DACH1: variants seen among roughly 807,000 people sequenced by gnomAD.
The protein encoded by DACH1 is dachshund family transcription factor 1, also known as dachshund homolog 1.
A neutral mutation model predicts 54.2 loss-of-function variants in DACH1; 12 were observed. The observed-to-expected ratio is 0.22, with a 90% confidence interval of 0.14 to 0.36. The LOEUF is 0.36. Among genes scored for constraint, DACH1 ranks in the 10% least tolerant of loss-of-function variants. The pLI, the probability that DACH1 is intolerant of heterozygous loss-of-function variation, is 1.00. For missense variants in DACH1, 805 were observed against 929.8 expected (o/e 0.87, Z 1.75); for synonymous variants, 386 against 366.2 (o/e 1.05, Z -0.62).
At chr13:71,677,523 G>T (rs1880648306) in intron 2 of DACH1, among the ~76,000 whole-genome samples, 1 of 152,024 alleles carries the variant, frequency 6.6e-6, no homozygotes, top group Non-Finnish European at 1.5e-5. Context: ...ATTTGTTTTT[G>T]TTTTTGTTTC....
chr13:71,520,343 T>C (rs1221111695), intron 6 of DACH1, among the ~76,000 whole-genome samples: 2 of 151,768 alleles, frequency 1.3e-5, no homozygotes, highest in Non-Finnish European at 2.9e-5. Flanking sequence ...CACAGGATTT[T>C]TGTAAAATGC....
At chr13:71,503,091 A>C (rs1487184506) in intron 6 of DACH1, among the ~76,000 whole-genome samples, 1 of 152,202 alleles carries the variant, frequency 6.6e-6, no homozygotes, top group African/African-American at 2.4e-5. Context: ...TATGTAAATG[A>C]CAAAGGTTTC....
At chr13:71,447,475 T>C (rs920320078) in intron 10 of DACH1, among the ~76,000 whole-genome samples, 2 of 152,206 alleles carry the variant, frequency 1.3e-5, no homozygotes, top group Non-Finnish European at 2.9e-5. Context: ...TTTTATTCCA[T>C]ATATAAAAAC....
chr13:71,859,521 A>T (rs1190676230), intron 1 of DACH1, among the ~76,000 whole-genome samples: 1 of 151,838 alleles, frequency 6.6e-6, no homozygotes, highest in African/African-American at 2.4e-5. Context: ...TCTAATAACT[A>T]ATTTATAGTG....
At chr13:71,667,469 AG>A (rs1399043126) in intron 2 of DACH1, among the ~76,000 whole-genome samples, 1 of 152,172 alleles carries the variant, frequency 6.6e-6, no homozygotes, top group Non-Finnish European at 1.5e-5. Flanking sequence ...AATCAAAGGA[AG>A]CAAACCACCC....
chr13:71,586,985 C>G (rs543120842), intron 3 of DACH1, among the ~76,000 whole-genome samples: 9 of 152,160 alleles, frequency 5.9e-5, no homozygotes, highest in African/African-American at 2.2e-4. Context: ...AAACCTGGTA[C>G]AATTTAACAT....
intron 2 of DACH1, among the ~76,000 whole-genome samples, chr13:71,661,166 CAT>C (rs199916609): frequency 2.0e-5 from 3 of 150,494 alleles, no homozygotes; most frequent in Admixed American, 6.6e-5. Context: ...CAGACACATA[CAT>C]ATATATATAT....
chr13:71,472,700 T>C (rs913328424), intron 10 of DACH1, among the ~76,000 whole-genome samples: 1 of 151,250 alleles, frequency 6.6e-6, no homozygotes, highest in African/African-American at 2.4e-5. Flanking sequence ...TGAGAGGCTG[T>C]GTGTGTGTCA....
intron 1 of DACH1, among the ~76,000 whole-genome samples, chr13:71,735,148 G>T (rs576230301): frequency 6.6e-6 from 1 of 151,202 alleles, no homozygotes; most frequent in South Asian, 2.1e-4. Flanking sequence ...ACTCGTATAT[G>T]GTTTATACAT....
intron 3 of DACH1, among the ~76,000 whole-genome samples, chr13:71,610,181 T>C (rs549336202): frequency 4.8e-5 from 7 of 146,168 alleles, no homozygotes; most frequent in East Asian, 3.9e-4. Flanking sequence ...ACAACATAAT[T>C]AGGTTCTATG....
chr13:71,452,076 A>G (rs1453829824), intron 10 of DACH1, among the ~76,000 whole-genome samples: 4 of 152,160 alleles, frequency 2.6e-5, no homozygotes, highest in Non-Finnish European at 5.9e-5. Flanking sequence ...GATAGTTTTT[A>G]CACTGTTCCT....
chr13:71,662,263 T>A (rs749545027), intron 2 of DACH1, among the ~76,000 whole-genome samples: 2 of 152,038 alleles, frequency 1.3e-5, no homozygotes, highest in Non-Finnish European at 1.5e-5. Flanking sequence ...GTTGAAAACA[T>A]CAAATACTAT....
intron 1 of DACH1, among the ~76,000 whole-genome samples, chr13:71,719,404 C>T (rs1370106165): frequency 1.3e-5 from 2 of 152,138 alleles, no homozygotes; most frequent in Non-Finnish European, 2.9e-5. Flanking sequence ...CTTTCAGCCT[C>T]TTTACAAACT....
chr13:71,529,628 G>T (rs1882279921), intron 6 of DACH1, among the ~76,000 whole-genome samples: 1 of 152,130 alleles, frequency 6.6e-6, no homozygotes, highest in African/African-American at 2.4e-5. Flanking sequence ...ATTCACTAAA[G>T]ATTTCAGATA....
intron 4 of DACH1, among the ~76,000 whole-genome samples, chr13:71,562,913 C>A (rs532898481): frequency 1.3e-5 from 2 of 151,996 alleles, no homozygotes; most frequent in East Asian, 3.9e-4. Context: ...GGAGTATTTG[C>A]GCACTTATCA....
chr13:71,740,734 T>C (rs1884345678), intron 1 of DACH1, among the ~76,000 whole-genome samples: 1 of 152,174 alleles, frequency 6.6e-6, no homozygotes, highest in Non-Finnish European at 1.5e-5. Flanking sequence ...TCCCAGTACA[T>C]AATGTATTAT....
At chr13:71,823,046 G>C (rs1888251612) in intron 1 of DACH1, among the ~76,000 whole-genome samples, 1 of 152,120 alleles carries the variant, frequency 6.6e-6, no homozygotes, top group South Asian at 2.1e-4. Flanking sequence ...AAAAGCGGTG[G>C]CATGCCCTGA....
chr13:71,675,561 A>T (rs1880512731), intron 2 of DACH1: 4 of 787,498 alleles, frequency 5.1e-6, no homozygotes, highest in Non-Finnish European at 8.1e-6. Flanking sequence ...TCTGAACGTT[A>T]GATATTTTTT....
At chr13:71,471,361 T>C (rs566828444) in intron 10 of DACH1, among the ~76,000 whole-genome samples, 1 of 152,204 alleles carries the variant, frequency 6.6e-6, no homozygotes, top group African/African-American at 2.4e-5. Context: ...CTTTTGGGTC[T>C]CTGTGAGTCG....
Sources: allele counts gnomAD v4.1 joint callset (sites outside exome capture counted in the v4.1 genomes callset), GRCh38; gene constraint gnomAD v4.1.1; transcripts MANE v1.5; gene names NCBI Gene and HGNC (gene_info 2026-07-23, HGNC 2026-07-21).